Variants in MAGI2 observed in about 807,000 individuals in gnomAD.
MAGI2 encodes membrane-associated guanylate kinase, WW and PDZ domain-containing protein 2.
Under a neutral mutation model 133.3 loss-of-function variants are expected in MAGI2, and 35 were observed. The ratio of observed to expected loss-of-function variants is 0.26; its 90% CI spans 0.20 to 0.35. The LOEUF is 0.35. Ranked by LOEUF, MAGI2 falls within the 10% of genes least tolerant of loss-of-function variation. The pLI, the probability that MAGI2 is intolerant of heterozygous loss-of-function variation, is 1.00. For missense variants in MAGI2, 1,636 were observed against 1,863.4 expected, an observed-to-expected ratio of 0.88 and a Z score of 2.25; for synonymous variants, 729 against 710.6, an observed-to-expected ratio of 1.03 and a Z score of -0.41.
Position 78,564,704 on chromosome 7 carries a change from G to A in MAGI2, c.539-43059C>T, listed in dbSNP as rs149141656. Among the ~76,000 whole-genome samples the A allele has an allele frequency of 8.8e-4, 131 of 149,710 alleles. 2 individuals are homozygous for A. The East Asian group carries it at 0.023, about 26-fold the overall frequency. Reference sequence around the variant, plus strand: ...TTCAGTTAAAGCATATGGGTTTGGCGATCATTTAGCTCTGAATTCCAAGTA... The same window carrying A: ...TTCAGTTAAAGCATATGGGTTTGGCAATCATTTAGCTCTGAATTCCAAGTA... On this transcript the variant is annotated intron_variant, in intron 3 of 21. Coordinates refer to ENST00000354212, the MANE Select transcript of MAGI2 (RefSeq NM_012301.4).
intron 10 of MAGI2, among the ~76,000 whole-genome samples, chr7:78,218,864 A>G (rs1788523411): frequency 6.6e-6 from 1 of 152,174 alleles, no homozygotes; most frequent in African/African-American, 2.4e-5. Context: ...GTCGAGAACC[A>G]CACTTTACAG....
At chr7:78,393,584 A>G (rs368583967) in intron 6 of MAGI2, among the ~76,000 whole-genome samples, 12 of 152,202 alleles carry the variant, frequency 7.9e-5, no homozygotes, top group Non-Finnish European at 1.8e-4. Context: ...AATCAAGCAG[A>G]ATCCATTTTT....
At chr7:78,913,442 C>T (rs1798564888) in intron 2 of MAGI2, among the ~76,000 whole-genome samples, 1 of 152,102 alleles carries the variant, frequency 6.6e-6, no homozygotes, top group Admixed American at 6.6e-5. Flanking sequence ...CCTGAGGCCT[C>T]CTCAGAAGCT....
chr7:78,413,718 T>C (rs1798053305), intron 6 of MAGI2, among the ~76,000 whole-genome samples: 1 of 151,926 alleles, frequency 6.6e-6, no homozygotes, highest in Non-Finnish European at 1.5e-5. Flanking sequence ...CAGAAGAGAA[T>C]GTGCCGGGAG....
intron 1 of MAGI2, among the ~76,000 whole-genome samples, chr7:79,180,673 C>G (rs931779243): frequency 6.6e-6 from 1 of 151,960 alleles, no homozygotes; most frequent in Non-Finnish European, 1.5e-5. Flanking sequence ...CAAAAGCAAT[C>G]ATGCCTTCCC....
chr7:78,639,211 G>A lies in MAGI2; in HGVS notation c.419-11972C>T, dbSNP rs1197169153. 5.3e-5 allele frequency among the ~76,000 whole-genome samples: 8 copies of A among 152,306 alleles called. No individual in the cohort carries two copies. The East Asian group carries it at 1.5e-3, about 29-fold the overall frequency. On this transcript the variant is annotated intron_variant, in intron 2 of 21. Coordinates refer to ENST00000354212, the MANE Select transcript of MAGI2 (RefSeq NM_012301.4). ...TATTCTGAAATGCCCAAGGTAGATA[G>A]TAGAATACAGAGTCTACAGAGTATC... is the stretch of plus-strand genomic sequence containing the variant.
At chr7:79,255,544 T>C (rs537783298) in intron 1 of MAGI2, among the ~76,000 whole-genome samples, 1 of 152,282 alleles carries the variant, frequency 6.6e-6, no homozygotes, top group African/African-American at 2.4e-5. Flanking sequence ...GAAAGAAACT[T>C]CGCAATTCGC....
At chr7:78,480,433 G>A (rs1792237194) in intron 6 of MAGI2, among the ~76,000 whole-genome samples, 1 of 150,906 alleles carries the variant, frequency 6.6e-6, no homozygotes, top group Non-Finnish European at 1.5e-5. Flanking sequence ...ACAAAACATA[G>A]ACACAAAAGA....
chr7:78,192,223 AT>A (rs1202558368), intron 12 of MAGI2, among the ~76,000 whole-genome samples: 2 of 152,122 alleles, frequency 1.3e-5, no homozygotes, highest in African/African-American at 2.4e-5. Context: ...GGTTGCACTG[AT>A]TTTTCCCCCC....
At chr7:78,095,820 G>T (rs1410858526) in intron 20 of MAGI2, among the ~76,000 whole-genome samples, 1 of 152,142 alleles carries the variant, frequency 6.6e-6, no homozygotes, top group Non-Finnish European at 1.5e-5. Flanking sequence ...TTTATCTTTG[G>T]CTGTGGCATG....
chr7:78,313,794 T>A (rs1217790359), intron 9 of MAGI2, among the ~76,000 whole-genome samples: 2 of 152,164 alleles, frequency 1.3e-5, no homozygotes, highest in Non-Finnish European at 2.9e-5. Context: ...GCTTATTTGC[T>A]ATTTAATAGA....
intron 9 of MAGI2, among the ~76,000 whole-genome samples, chr7:78,303,335 C>T (rs765197966): frequency 6.3e-5 from 9 of 142,806 alleles, no homozygotes; most frequent in Non-Finnish European, 9.0e-5. Context: ...GCCAAGATTG[C>T]GCCATTGTAT....
At chr7:79,423,973 T>G (rs1219967576) in intron 1 of MAGI2, among the ~76,000 whole-genome samples, 1 of 152,164 alleles carries the variant, frequency 6.6e-6, no homozygotes, top group Non-Finnish European at 1.5e-5. Context: ...TATTTAACTA[T>G]GTATATATAT....
chr7:78,317,704 T>C (rs62463922), intron 9 of MAGI2, among the ~76,000 whole-genome samples: 34,069 of 152,030 alleles, frequency 0.22, 5,064 homozygotes, highest in African/African-American at 0.4. Context: ...GAGACACCTC[T>C]CAGGAGGGGC....
chr7:78,271,153 G>A (rs567608538), intron 9 of MAGI2, among the ~76,000 whole-genome samples: 1 of 152,198 alleles, frequency 6.6e-6, no homozygotes, highest in Middle Eastern at 3.4e-3. Flanking sequence ...TCAATACCTA[G>A]TTTATTGAGA....
rs146954074 is a variant in MAGI2 at position 78,338,915 on chromosome 7, G to C, written c.1408+4863C>G. On this transcript the variant is annotated intron_variant, in intron 9 of 21. Coordinates refer to ENST00000354212, the MANE Select transcript of MAGI2 (RefSeq NM_012301.4). ...TAGCTACTTGGAAGGCTGAGGCAGG[G>C]GGATTGCGTGAGCCCAGGAGTTTGA... Among the ~76,000 whole-genome samples, 367 of 152,206 alleles carry C rather than the reference G, an allele frequency of 2.4e-3. 2 individuals carry two copies. The highest frequency in any genetic ancestry group is 0.013 in the South Asian group (62 of 4,824).
chr7:78,669,086 C>G lies in MAGI2; in HGVS notation c.419-41847G>C, dbSNP rs1032853921. Among the ~76,000 whole-genome samples the G allele has an allele frequency of 4.6e-5, 7 of 151,762 alleles. No homozygotes were observed. In the East Asian group the frequency reaches 5.8e-4, roughly 13 times the overall value. On this transcript the variant is annotated intron_variant, in intron 2 of 21. Coordinates refer to ENST00000354212, the MANE Select transcript of MAGI2 (RefSeq NM_012301.4). Reference sequence around the variant, plus strand: ...AACTAAGATCCGAGCAGAACTGAAGCAAATAGAGACACAAAAAACCTTTCA... The same window carrying G: ...AACTAAGATCCGAGCAGAACTGAAGGAAATAGAGACACAAAAAACCTTTCA...
At chr7:78,105,899 C>A (rs12705286) in intron 20 of MAGI2, among the ~76,000 whole-genome samples, 33,976 of 151,828 alleles carry the variant, frequency 0.22, 4,432 homozygotes, top group East Asian at 0.5. Context: ...AAACTACAAT[C>A]AATTATTGTT....
intron 1 of MAGI2, among the ~76,000 whole-genome samples, chr7:79,373,953 C>T (rs1464024715): frequency 6.6e-6 from 1 of 151,772 alleles, no homozygotes; most frequent in Non-Finnish European, 1.5e-5. Context: ...AATTTTATGC[C>T]ATATTTGTAT....
Sources: gnomAD v4.1 joint callset for allele counts (sites outside exome capture counted in the v4.1 genomes callset) on GRCh38, gnomAD v4.1.1 for gene constraint, MANE v1.5 for transcripts, NCBI Gene and HGNC (gene_info 2026-07-23, HGNC 2026-07-21) for gene names.